Variants in VWF observed in about 807,000 individuals in gnomAD.
VWF encodes von Willebrand factor.
VWF carries 176 observed loss-of-function variants against 308.6 expected under a neutral mutation model. That is an observed-to-expected ratio of 0.57 (90% CI 0.50 to 0.65). VWF has a LOEUF of 0.65. VWF is among the 30% of genes least tolerant of loss of function. The probability of loss-of-function intolerance (pLI) is 0.00; values close to 1 mark genes in which losing one functional copy is unlikely to be tolerated. For missense variants in VWF, 3,146 were observed against 3,648.2 expected (o/e 0.86, Z 3.55); for synonymous variants, 1,385 against 1,443.4 (o/e 0.96, Z 0.92).
intron 15 of VWF, 132 bp from the exon 16 acceptor site, chr12:6,052,915 ACTTG>A: frequency 1.5e-6 from 2 of 1,330,534 alleles, no homozygotes; most frequent in South Asian, 2.9e-5. Flanking sequence ...ATAATTGTAG[ACTTG>A]CTTGCAATTA....
intron 5 of VWF, among the ~76,000 whole-genome samples, chr12:6,098,899 G>A (rs890989914): frequency 6.6e-6 from 1 of 152,112 alleles, no homozygotes; most frequent in Non-Finnish European, 1.5e-5. Flanking sequence ...ACGAAGGGGT[G>A]TGGGTTTAAC....
chr12:6,098,145 C>T (rs1262719445), intron 5 of VWF, among the ~76,000 whole-genome samples: 1 of 152,184 alleles, frequency 6.6e-6, no homozygotes, highest in East Asian at 1.9e-4. Flanking sequence ...TAAGTAAAAG[C>T]CAAGCTGAGC....
In VWF at chr12:6,075,466, G is replaced by A; in HGVS notation, c.743C>T (p.Ala248Val). ...HPLVDPEPFV[A>V]LCEKTLCECA... ...CTCACACAAAGTCTTCTCACACAGG[G>A]CCACAAAAGGCTCGGGGTCCACCAG... Residue 248 changes from alanine (A) to valine (V), a missense_variant, in exon 7 of 52, where the codon GCC becomes GTC. By Grantham distance (64) the Ala-to-Val change is moderately conservative (BLOSUM62 0). Coordinates refer to ENST00000261405, the MANE Select transcript of VWF (RefSeq NM_000552.5). The surrounding 1 kb of genome is among the most constrained non-coding windows in gnomAD (Gnocchi z 4.7). The A allele has an allele frequency of 2.5e-6, 4 of 1,614,190 alleles. No individual in the cohort carries two copies. The highest frequency in any genetic ancestry group is 2.5e-6 in the Non-Finnish European group (3 of 1,180,034).
chr12:6,064,180 GAGA>G, intron 12 of VWF, 63 bp downstream of exon 12: 1 of 1,612,280 alleles, frequency 6.2e-7, no homozygotes, highest in Non-Finnish European at 8.5e-7. Flanking sequence ...GGCCAGGGTT[GAGA>G]AGGAGGGTGC....
At chr12:5,960,262 A>G (rs1206217796) in intron 47 of VWF, among the ~76,000 whole-genome samples, 1 of 151,896 alleles carries the variant, frequency 6.6e-6, no homozygotes, top group African/African-American at 2.4e-5. Context: ...AATTTGACCA[A>G]CTTAAATACA....
At chr12:6,029,014 C>A (rs1001303503) in intron 22 of VWF, among the ~76,000 whole-genome samples, 2 of 151,748 alleles carry the variant, frequency 1.3e-5, no homozygotes, top group African/African-American at 4.8e-5. Flanking sequence ...TTCAGGAGAC[C>A]CATCTCACGT....
In VWF at chr12:6,064,317, CTGT is replaced by C. The variant is rs768444709; in HGVS notation, c.1358_1360del (p.Asn453del). ...TGCCCCATGCTTCAGTTTCACAAGG[CTGT>C]TGTGCAGGCCAGGCAGCCGGACGGT... On this transcript the variant is annotated inframe_deletion, in exon 12 of 52. Transcript: ENST00000261405. The C allele has an allele frequency of 2.5e-6, 4 of 1,614,200 alleles. No individual in the cohort carries two copies. The South Asian group carries it at 4.4e-5, about 18-fold the overall frequency.
chr12:6,013,764 T>A, intron 31 of VWF, 119 bp from the exon 32 acceptor site: 2 of 1,125,896 alleles, frequency 1.8e-6, no homozygotes, highest in South Asian at 2.6e-5. Context: ...GTCACATACA[T>A]CAGCCCTATG....
At chr12:5,984,017 TAGACAGACAGAC>T (rs10579907) in intron 40 of VWF, among the ~76,000 whole-genome samples, 4 of 134,498 alleles carry the variant, frequency 3.0e-5, no homozygotes, top group Non-Finnish European at 4.7e-5. Flanking sequence ...GATAGATAGA[TAGACAGACAGAC>T]AGACAGACAG....
At chr12:5,983,968 A>C (rs1943643642) in intron 40 of VWF, among the ~76,000 whole-genome samples, 1 of 134,338 alleles carries the variant, frequency 7.4e-6, no homozygotes, top group Admixed American at 7.6e-5. Flanking sequence ...GGATGGATGG[A>C]TAGATGGATA....
intron 46 of VWF, among the ~76,000 whole-genome samples, 198 bp from the exon 47 acceptor site, chr12:5,967,800 T>C (rs972468519): frequency 9.2e-5 from 14 of 152,186 alleles, no homozygotes; most frequent in African/African-American, 2.7e-4. Flanking sequence ...AGAACTTTCA[T>C]GCCAAAGAGG....
Position 6,016,655 on chromosome 12 carries a change from C to T in VWF, c.5172G>A (p.Gly1724=). The T allele has an allele frequency of 6.2e-7, 1 of 1,614,192 alleles. No individual in the cohort carries two copies. The highest frequency in any genetic ancestry group is 1.1e-5 in the South Asian group (1 of 91,082). Residue 1724 remains glycine, a splice_region_variant and synonymous_variant, in exon 30 of 52, where the codon GGG becomes GGA. Coordinates refer to ENST00000261405, the MANE Select transcript of VWF (RefSeq NM_000552.5). ...AKAFISKANI[G]PRLTQVSVLQ... The stretch of plus-strand genomic sequence containing the variant: ...GCACTGACACCTGAGTGAGACGAGG[C>T]CCTAAACGGAACGAGAAAATGCGGA...
At position 6,060,112 on chromosome 12, in the gene VWF, C is replaced by T. The variant is rs185829589; in HGVS notation, c.1534-2068G>A. On this transcript the variant is annotated intron_variant, in intron 13 of 51. Coordinates refer to ENST00000261405, the MANE Select transcript of VWF (RefSeq NM_000552.5). This position sits in a 1 kb window ranked among gnomAD's most constrained non-coding sequence, Gnocchi z 5.1. ...TCGGCCAGGGTTAGGAGAGTGGGGG[C>T]GACACTTAGAGACTCTCTTAGTGTC... Among the ~76,000 whole-genome samples the T allele has an allele frequency of 6.6e-6, 1 of 152,004 alleles. No homozygotes were observed. The highest frequency in any genetic ancestry group is 6.5e-5 in the Admixed American group (1 of 15,286).
intron 17 of VWF, among the ~76,000 whole-genome samples, chr12:6,045,219 G>A (rs1944435602): frequency 6.6e-6 from 1 of 152,240 alleles, no homozygotes; most frequent in Non-Finnish European, 1.5e-5. Flanking sequence ...GACTGATACA[G>A]CACCTTTCTT....
Position 5,991,995 on chromosome 12 carries a change from C to T in VWF, c.6622G>A (p.Val2208Ile), listed in dbSNP as rs1372975560. 3.1e-6 allele frequency: 5 copies of T among 1,614,136 alleles called. No individual in the cohort carries two copies. The highest frequency in any genetic ancestry group is 3.4e-6 in the Non-Finnish European group (4 of 1,180,024). The change falls in exon 38 of 52, where the codon GTC becomes ATC. Residue 2208 changes from valine (V) to isoleucine (I), a missense_variant. Transcript: ENST00000261405. ...CAGCCATGCTCACAGTGGTTGTAGA[C>T]CAGAGATGGTGGGCATGACATAGCT... ...FCAMSCPPSL[V>I]YNHCEHGCPR...
At chr12:6,041,785 G>C (rs1222066533) in intron 18 of VWF, among the ~76,000 whole-genome samples, 3 of 152,090 alleles carry the variant, frequency 2.0e-5, no homozygotes, top group Non-Finnish European at 4.4e-5. Context: ...TATTATTTTT[G>C]TCATTGCTTT....
chr12:6,038,624 A>G (rs2136434265), intron 18 of VWF, among the ~76,000 whole-genome samples: 1 of 152,354 alleles, frequency 6.6e-6, no homozygotes, highest in Middle Eastern at 3.4e-3. Context: ...TAACAATGCC[A>G]TGACTGCAGC....
At chr12:6,047,116 TC>T (rs1944453827) in intron 16 of VWF, among the ~76,000 whole-genome samples, 2 of 152,282 alleles carry the variant, frequency 1.3e-5, no homozygotes, top group South Asian at 4.1e-4. Flanking sequence ...CTTCCTTGGT[TC>T]CTCCTTCTCA....
At chr12:6,104,665 C>G (rs1945220658) in intron 5 of VWF, among the ~76,000 whole-genome samples, 1 of 151,788 alleles carries the variant, frequency 6.6e-6, no homozygotes, top group Non-Finnish European at 1.5e-5. Flanking sequence ...CCACTGCACT[C>G]CAGCCTGGGC....
Sources: gnomAD v4.1 joint callset for allele counts (sites outside exome capture counted in the v4.1 genomes callset) on GRCh38, gnomAD v4.1.1 for gene constraint, Gnocchi (gnomAD v3.1) non-coding constraint, MANE v1.5 for transcripts, NCBI Gene and HGNC (gene_info 2026-07-23, HGNC 2026-07-21) for gene names.